Variants in KCNK2 observed in about 807,000 individuals in gnomAD.
KCNK2 encodes the protein potassium channel subfamily K member 2.
Under a neutral mutation model 40.5 loss-of-function variants are expected in KCNK2, and 21 were observed. That is an observed-to-expected ratio of 0.52 (90% CI 0.37 to 0.75). The LOEUF (loss-of-function observed/expected upper bound fraction) is 0.75. Among genes scored for constraint, KCNK2 ranks in the 30% least tolerant of loss-of-function variants. KCNK2 has a pLI of 0.00. For missense variants in KCNK2, 399 were observed against 531.6 expected (o/e 0.75, Z 2.45); for synonymous variants, 191 against 202.2 (o/e 0.94, Z 0.47).
intron 6 of KCNK2, among the ~76,000 whole-genome samples, chr1:215,227,317 C>T (rs1182588551): frequency 6.6e-6 from 1 of 152,098 alleles, no homozygotes; most frequent in African/African-American, 2.4e-5. Flanking sequence ...GGAAATGGCT[C>T]CATGAGGATG....
At chr1:215,168,544 TC>T (rs1220639720) in intron 3 of KCNK2, among the ~76,000 whole-genome samples, 3 of 152,206 alleles carry the variant, frequency 2.0e-5, no homozygotes, top group Non-Finnish European at 2.9e-5. Flanking sequence ...TGAGATCATG[TC>T]CTTTGCAGGG....
intron 6 of KCNK2, among the ~76,000 whole-genome samples, chr1:215,211,532 A>G (rs1249270906): frequency 6.6e-6 from 1 of 152,108 alleles, no homozygotes; most frequent in African/African-American, 2.4e-5. Flanking sequence ...CTAACTTACT[A>G]TGTGCCATTG....
rs1664798511 is a variant in KCNK2, at chr1:215,194,845, G to A, written c.824-108G>A. The A allele has an allele frequency of 8.3e-6, 7 of 843,942 alleles. No homozygotes were observed. The East Asian group carries it at 1.9e-4, about 22-fold the overall frequency. The allele number at this position is 843,942 out of a possible 1,614,324, so 52.3% of individuals were successfully genotyped here. A position where few individuals can be genotyped will look rare whatever the true frequency, so the allele number is the denominator to read the frequency against. On this transcript the variant is annotated intron_variant, in intron 5 of 6. Coordinates refer to ENST00000444842, the MANE Select transcript of KCNK2 (RefSeq NM_001017425.3). ...TGTAACTCCATTGATAAGAATACTA[G>A]ATTTCTATGTTTTGCAAACCAAAAT...
intron 6 of KCNK2, among the ~76,000 whole-genome samples, chr1:215,205,538 C>G (rs963832443): frequency 6.6e-6 from 1 of 152,234 alleles, no homozygotes; most frequent in East Asian, 1.9e-4. Context: ...CCACTGTGTC[C>G]GGCTGGGAAG....
intron 1 of KCNK2, among the ~76,000 whole-genome samples, chr1:215,014,058 C>T (rs1656499791): frequency 1.3e-5 from 2 of 152,006 alleles, no homozygotes; most frequent in Admixed American, 6.6e-5. Context: ...TAAATAGATA[C>T]TCTTTATCAG....
rs564906811 is a variant in KCNK2 at position 215,046,949 on chromosome 1, G to T, written c.35-39419G>T. 5.9e-5 allele frequency among the ~76,000 whole-genome samples: 9 copies of T among 152,138 alleles called. No individual in the cohort carries two copies. In the East Asian group the frequency reaches 7.7e-4, roughly 13 times the overall value. On this transcript the variant is annotated intron_variant, in intron 1 of 6. Coordinates refer to the KCNK2 transcript ENST00000391895. ...ACTTTATATATCTCTTGTTTCCGGG[G>T]TTAAAAATATCTCTATAGTGATGTT...
Position 215,169,319 on chromosome 1 carries a change from T to C in KCNK2, c.596T>C (p.Ile199Thr). 1 of 1,613,030 alleles carries C rather than the reference T, an allele frequency of 6.2e-7. No homozygotes were observed. Among genetic ancestry groups the C allele is most frequent in the Non-Finnish European group, 8.5e-7 (1 of 1,179,476 alleles). The change falls in exon 4 of 7, where the codon ATA becomes ACA. Residue 199 changes from isoleucine (I) to threonine (T), a missense_variant. Coordinates refer to ENST00000444842, the MANE Select transcript of KCNK2 (RefSeq NM_001017425.3). ...GGAGTTGGAGATCAGCTAGGCACCA[T>C]ATTTGGAAAAGGAATTGCCAAAGTG... Reference protein sequence around the residue: ...LAGVGDQLGTIFGKGIAKVED... With the variant: ...LAGVGDQLGTTFGKGIAKVED...
chr1:215,121,435 A>G (rs1458852393), intron 2 of KCNK2, among the ~76,000 whole-genome samples: 1 of 152,016 alleles, frequency 6.6e-6, no homozygotes, highest in Non-Finnish European at 1.5e-5. Flanking sequence ...CACCAGGCCC[A>G]GCTAATTTTT....
At chr1:215,165,490 C>A (rs1663402239) in intron 3 of KCNK2, among the ~76,000 whole-genome samples, 6 of 152,142 alleles carry the variant, frequency 3.9e-5, no homozygotes, top group Admixed American at 3.9e-4. Flanking sequence ...AGTTTGCATA[C>A]TGATGAGGCT....
intron 5 of KCNK2, among the ~76,000 whole-genome samples, chr1:215,172,503 CAT>C (rs911355518): frequency 2.6e-5 from 4 of 152,122 alleles, no homozygotes; most frequent in African/African-American, 7.2e-5. Context: ...TCCTTCAACA[CAT>C]GTTTTTCTTC....
intron 1 of KCNK2, among the ~76,000 whole-genome samples, chr1:215,011,001 A>T (rs1276856787): frequency 3.0e-5 from 3 of 99,210 alleles, no homozygotes; most frequent in Non-Finnish European, 5.5e-5. Flanking sequence ...CTTATATATA[A>T]TATTGTATTA....
chr1:215,007,039 G>GTATATA (rs1230448522), intron 1 of KCNK2, among the ~76,000 whole-genome samples: 1 of 69,694 alleles, frequency 1.4e-5, no homozygotes, highest in African/African-American at 5.9e-5. Context: ...ATATATATAT[G>GTATATA]TGTGTGTGTG....
At chr1:215,106,241 G>A (rs1356481829) in intron 2 of KCNK2, among the ~76,000 whole-genome samples, 3 of 151,886 alleles carry the variant, frequency 2.0e-5, no homozygotes, top group Admixed American at 6.6e-5. Context: ...CTACAGTCCT[G>A]CCAACACCTG....
chr1:215,148,675 G>A (rs901987069), intron 3 of KCNK2, among the ~76,000 whole-genome samples: 3 of 152,130 alleles, frequency 2.0e-5, no homozygotes, highest in African/African-American at 7.2e-5. Flanking sequence ...ATTAAGAAGA[G>A]AGACAAAGCC....
At position 215,236,554 on chromosome 1, in the gene KCNK2, TTTTAG is replaced by T. The variant is rs1212092167; in HGVS notation, c.*1414_*1418del. 1 of 152,636 alleles carries T rather than the reference TTTTAG, an allele frequency of 6.6e-6. No homozygotes were observed. The highest frequency in any genetic ancestry group is 2.4e-5 in the African/African-American group (1 of 41,460). 9.5% of individuals were successfully genotyped at this position (152,636 alleles called of 1,614,324 possible). On this transcript the variant is annotated 3_prime_UTR_variant, in exon 7 of 7. Transcript: ENST00000444842. Reference sequence around the variant, plus strand: ...TCACATAAAAGAGGCTGATTATTCTTTTTAGTTTAATTTTATATCCTGTAATTCTT... The same window carrying T: ...TCACATAAAAGAGGCTGATTATTCTTTTTAATTTTATATCCTGTAATTCTT...
rs909796762 is a variant in KCNK2 at position 215,216,969 on chromosome 1, C to T, written c.964-17859C>T. On this transcript the variant is annotated intron_variant, in intron 6 of 6. Transcript: ENST00000444842. ...TGCTAATGATATAGATTGTGTTTCT[C>T]CTCCTAGAAACGTTATGGTCTGTAA... 2.0e-5 allele frequency among the ~76,000 whole-genome samples: 3 copies of T among 151,944 alleles called. No individual in the cohort carries two copies. In the East Asian group the frequency reaches 5.8e-4, roughly 29 times the overall value.
At chr1:215,079,106 T>A (rs189180375), upstream of KCNK2, among the ~76,000 whole-genome samples, 103 of 152,356 alleles carry the variant, frequency 6.8e-4, no homozygotes, top group East Asian at 0.018. Flanking sequence ...GAACTAAATT[T>A]TTTAATTATA....
chr1:215,211,990 T>C (rs1665763573), intron 6 of KCNK2, among the ~76,000 whole-genome samples: 1 of 152,188 alleles, frequency 6.6e-6, no homozygotes, highest in Non-Finnish European at 1.5e-5. Context: ...TGATTAATTT[T>C]ATATTTGAGT....
rs111576871 is a variant in KCNK2 at position 215,201,625 on chromosome 1, A to T, written c.963+6533A>T. ...TTAATTCATTCAAAAAGTGCTATTA[A>T]GTTCTTACTATGTGATGAGTGCTGT... is the stretch of plus-strand genomic sequence containing the variant. On this transcript the variant is annotated intron_variant, in intron 6 of 6. Coordinates refer to ENST00000444842, the MANE Select transcript of KCNK2 (RefSeq NM_001017425.3). 3.4e-3 allele frequency among the ~76,000 whole-genome samples: 522 copies of T among 152,272 alleles called. 5 individuals are homozygous for T. The highest frequency in any genetic ancestry group is 0.014 in the Middle Eastern group (4 of 294).
Sources: gnomAD v4.1 joint callset for allele counts (sites outside exome capture counted in the v4.1 genomes callset) on GRCh38, gnomAD v4.1.1 for gene constraint, MANE v1.5 for transcripts, NCBI Gene and HGNC (gene_info 2026-07-23, HGNC 2026-07-21) for gene names.